NRG1: variants seen among roughly 807,000 people sequenced by gnomAD.
NRG1 encodes the protein pro-neuregulin-1, membrane-bound isoform.
A neutral mutation model predicts 63.8 loss-of-function variants in NRG1; 18 were observed. The observed-to-expected ratio is 0.28, with a 90% CI of 0.19 to 0.42. The LOEUF (loss-of-function observed/expected upper bound fraction) is 0.42, where lower values mean the gene tolerates loss of function less well. Among genes scored for constraint, NRG1 ranks in the 10% least tolerant of loss-of-function variants. NRG1 has a pLI of 1.00. For synonymous variants in NRG1, 302 were observed against 301.3 expected (o/e 1.00, Z -0.02); for missense variants, 762 against 814.7 (o/e 0.94, Z 0.79).
chr8:32,350,562 A>G (rs902125885), intron 1 of NRG1, among the ~76,000 whole-genome samples: 1 of 152,168 alleles, frequency 6.6e-6, no homozygotes, highest in Non-Finnish European at 1.5e-5. Flanking sequence ...AATAACATCT[A>G]GCATTAGGCC....
chr8:32,071,612 G>T (rs2131038136), intron 1 of NRG1, among the ~76,000 whole-genome samples: 1 of 152,292 alleles, frequency 6.6e-6, no homozygotes, highest in African/African-American at 2.4e-5. Flanking sequence ...TTCCCAATAT[G>T]ACCGTGGAAA....
chr8:32,489,732 C>T (rs1181697362), intron 1 of NRG1, among the ~76,000 whole-genome samples: 2 of 152,188 alleles, frequency 1.3e-5, no homozygotes, highest in Non-Finnish European at 2.9e-5. Context: ...TTAACAATAG[C>T]TGGCAAATAT....
intron 1 of NRG1, among the ~76,000 whole-genome samples, chr8:31,981,366 A>G (rs112277832): frequency 2.2e-4 from 33 of 152,158 alleles, no homozygotes; most frequent in African/African-American, 7.0e-4. Context: ...GGAGTGTATA[A>G]TCAGAGCAAC....
intron 1 of NRG1, among the ~76,000 whole-genome samples, chr8:31,660,065 G>A (rs1435622446): frequency 6.6e-6 from 1 of 152,162 alleles, no homozygotes; most frequent in Non-Finnish European, 1.5e-5. Context: ...TCAGAACCAA[G>A]TTCGGCTTAT....
At chr8:31,780,209 A>C (rs1026323558) in intron 1 of NRG1, among the ~76,000 whole-genome samples, 2 of 152,194 alleles carry the variant, frequency 1.3e-5, no homozygotes, top group Admixed American at 1.3e-4. Flanking sequence ...CCACATCTTG[A>C]GAAATAATTT....
intron 1 of NRG1, among the ~76,000 whole-genome samples, chr8:32,550,738 C>T (rs1227811534): frequency 1.3e-5 from 2 of 152,184 alleles, no homozygotes; most frequent in African/African-American, 4.8e-5. Flanking sequence ...ACCAGAGCTT[C>T]CTTGGTGGCT....
intron 1 of NRG1, among the ~76,000 whole-genome samples, chr8:31,823,064 G>T (rs557936325): frequency 6.6e-6 from 1 of 150,608 alleles, no homozygotes; most frequent in Non-Finnish European, 1.5e-5. Flanking sequence ...ATGACCAAAG[G>T]TATGTGTGTG....
intron 1 of NRG1, among the ~76,000 whole-genome samples, chr8:32,477,831 C>G (rs1232357697): frequency 6.6e-6 from 1 of 152,130 alleles, no homozygotes; most frequent in African/African-American, 2.4e-5. Flanking sequence ...TAGTTTAACT[C>G]CATATATAAT....
intron 1 of NRG1, among the ~76,000 whole-genome samples, chr8:32,277,226 A>T (rs997462705): frequency 1.3e-5 from 2 of 152,218 alleles, no homozygotes; most frequent in Admixed American, 1.3e-4. Context: ...TTACAAAATG[A>T]CACAATAAAC....
intron 5 of NRG1, among the ~76,000 whole-genome samples, chr8:32,661,485 A>G (rs985924949): frequency 3.3e-5 from 5 of 152,220 alleles, no homozygotes; most frequent in Non-Finnish European, 4.4e-5. Context: ...GAGATCTTGT[A>G]GATAACCTAA....
intron 1 of NRG1, among the ~76,000 whole-genome samples, chr8:31,703,743 A>G (rs1810856491): frequency 6.6e-6 from 1 of 152,184 alleles, no homozygotes; most frequent in Non-Finnish European, 1.5e-5. Flanking sequence ...TCTTCTATTC[A>G]TTTGTTCCTT....
At chr8:32,610,465 ATAAAAG>A (rs1314079866) in intron 3 of NRG1, among the ~76,000 whole-genome samples, 1 of 152,188 alleles carries the variant, frequency 6.6e-6, no homozygotes, top group Non-Finnish European at 1.5e-5. Context: ...AAATTAGATC[ATAAAAG>A]TCTTCTGCAA....
At chr8:32,181,274 C>G (rs932072712) in intron 1 of NRG1, among the ~76,000 whole-genome samples, 2 of 152,156 alleles carry the variant, frequency 1.3e-5, no homozygotes, top group African/African-American at 4.8e-5. Context: ...AAATACCCAT[C>G]TCTTCCATAG....
intron 1 of NRG1, among the ~76,000 whole-genome samples, chr8:32,441,817 A>T (rs1819587243): frequency 6.6e-6 from 1 of 152,050 alleles, no homozygotes; most frequent in Non-Finnish European, 1.5e-5. Context: ...CAGGGAAAAG[A>T]CATTAGTGAC....
intron 1 of NRG1, among the ~76,000 whole-genome samples, chr8:32,352,515 C>T (rs12676641): frequency 0.51 from 78,025 of 151,896 alleles, 21,041 homozygotes; most frequent in Non-Finnish European, 0.61. Flanking sequence ...AAGCAATTTG[C>T]GGGAAATTAA....
chr8:31,768,272 G>A (rs1818275211), intron 1 of NRG1, among the ~76,000 whole-genome samples: 1 of 152,134 alleles, frequency 6.6e-6, no homozygotes, highest in African/African-American at 2.4e-5. Context: ...TAGAAAATAA[G>A]AATTCAGCTT....
At chr8:31,654,065 T>A (rs1187300472) in intron 1 of NRG1, among the ~76,000 whole-genome samples, 2 of 152,190 alleles carry the variant, frequency 1.3e-5, no homozygotes, top group South Asian at 4.1e-4. Flanking sequence ...TGATAAGTAA[T>A]TTGGCCACCA....
chr8:32,475,654 C>A (rs1824431919), intron 1 of NRG1, among the ~76,000 whole-genome samples: 1 of 151,846 alleles, frequency 6.6e-6, no homozygotes, highest in Non-Finnish European at 1.5e-5. Context: ...CAAAATGATC[C>A]CCCTGCCTCA....
At chr8:32,568,076 T>C (rs1837802962) in intron 1 of NRG1, among the ~76,000 whole-genome samples, 1 of 152,246 alleles carries the variant, frequency 6.6e-6, no homozygotes, top group Non-Finnish European at 1.5e-5. Context: ...GTGTTTCCGT[T>C]ATTCTTAAGG....
Sources: gnomAD v4.1 joint callset for allele counts (sites outside exome capture counted in the v4.1 genomes callset) on GRCh38, gnomAD v4.1.1 for gene constraint, MANE v1.5 for transcripts, NCBI Gene and HGNC (gene_info 2026-07-23, HGNC 2026-07-21) for gene names.